SLC4A4: variants seen among roughly 807,000 people sequenced by gnomAD.
SLC4A4 encodes electrogenic sodium bicarbonate cotransporter 1.
In SLC4A4, 27 loss-of-function variants were observed where a neutral mutation model predicts 111.5. The observed-to-expected ratio is 0.24, with a 90% CI of 0.18 to 0.33. The LOEUF is 0.33. Among genes scored for constraint, SLC4A4 ranks in the 10% least tolerant of loss-of-function variants. The pLI is 1.00. For synonymous variants in SLC4A4, 443 were observed against 463.4 expected (o/e 0.96, Z 0.57); for missense variants, 909 against 1,315.5 (o/e 0.69, Z 4.78).
At chr4:71,176,002 C>T (rs2148984768) in intron 2 of SLC4A4, among the ~76,000 whole-genome samples, 1 of 152,274 alleles carries the variant, frequency 6.6e-6, no homozygotes. Flanking sequence ...GATCAGGCAG[C>T]AACATTTGCT....
chr4:71,387,295 T>G (rs1718837771), intron 6 of SLC4A4, among the ~76,000 whole-genome samples: 1 of 152,160 alleles, frequency 6.6e-6, no homozygotes, highest in South Asian at 2.1e-4. Flanking sequence ...CTCTTCTTCT[T>G]CCAGAAAGTT....
chr4:71,450,592 A>G lies in SLC4A4; in HGVS notation c.1208+49A>G, dbSNP rs774797683. 4.5e-6 allele frequency: 7 copies of G among 1,564,946 alleles called. No individual in the cohort carries two copies. The African/African-American group carries it at 9.5e-5, about 21-fold the overall frequency. ...TTTCAGTAGCTGAGATGACTCTGAGAAGGAGGTTGTGTTAAAAAAAAAAAG... is the reference window on the plus strand; with the variant it reads ...TTTCAGTAGCTGAGATGACTCTGAGGAGGAGGTTGTGTTAAAAAAAAAAAG... On this transcript the variant is annotated intron_variant, in intron 10 of 25. Coordinates refer to ENST00000264485, the MANE Select transcript of SLC4A4 (RefSeq NM_001098484.3).
intron 7 of SLC4A4, 83 bp downstream of exon 7, chr4:71,397,736 G>T: frequency 8.1e-7 from 1 of 1,241,000 alleles, no homozygotes; most frequent in Admixed American, 1.7e-5. Flanking sequence ...GGTGATGGTT[G>T]CTTCACTTAA....
chr4:71,213,946 C>G (rs1718278150), intron 1 of SLC4A4, among the ~76,000 whole-genome samples: 1 of 152,192 alleles, frequency 6.6e-6, no homozygotes, highest in Non-Finnish European at 1.5e-5. Flanking sequence ...GCCACCCAGT[C>G]TATGATGTTG....
chr4:71,539,967 C>A (rs1383242661), intron 18 of SLC4A4, among the ~76,000 whole-genome samples: 2 of 152,162 alleles, frequency 1.3e-5, no homozygotes, highest in Non-Finnish European at 2.9e-5. Context: ...TTGGTCAAAG[C>A]CCTGTTTAGA....
At chr4:71,235,104 AT>A (rs1719711758) in intron 1 of SLC4A4, among the ~76,000 whole-genome samples, 1 of 152,214 alleles carries the variant, frequency 6.6e-6, no homozygotes, top group Non-Finnish European at 1.5e-5. Flanking sequence ...TGTTGAGTCA[AT>A]GCAAGGTTGA....
chr4:71,103,263 T>G (rs1253598929), intron 2 of SLC4A4, among the ~76,000 whole-genome samples: 3 of 151,478 alleles, frequency 2.0e-5, no homozygotes, highest in Admixed American at 1.3e-4. Flanking sequence ...GCACCCAGAT[T>G]CATAAAGCAA....
At chr4:71,401,745 G>T (rs1720383957) in intron 7 of SLC4A4, among the ~76,000 whole-genome samples, 1 of 152,136 alleles carries the variant, frequency 6.6e-6, no homozygotes, top group African/African-American at 2.4e-5. Context: ...GCTTAGTGGT[G>T]CAATGGCTTT....
At chr4:71,300,569 G>A in intron 3 of SLC4A4, 1 of 278,828 alleles carries the variant, frequency 3.6e-6, no homozygotes, top group Non-Finnish European at 7.3e-6. Flanking sequence ...AAGGTGTAGA[G>A]GAAGACATTC....
chr4:71,203,672 A>T (rs1746356888), intron 1 of SLC4A4, among the ~76,000 whole-genome samples: 2 of 152,202 alleles, frequency 1.3e-5, no homozygotes, highest in South Asian at 4.1e-4. Flanking sequence ...GCAAACCAGA[A>T]CATATTGTAA....
At chr4:71,516,075 GATTTCTTTTT>G (rs1732351538) in intron 16 of SLC4A4, among the ~76,000 whole-genome samples, 2 of 124,912 alleles carry the variant, frequency 1.6e-5, no homozygotes, top group African/African-American at 2.9e-5. Flanking sequence ...TGGTTTGGGG[GATTTCTTTTT>G]TTTTTTTTTT....
intron 4 of SLC4A4, among the ~76,000 whole-genome samples, chr4:71,340,895 A>G (rs1232156664): frequency 5.9e-5 from 9 of 152,198 alleles, no homozygotes; most frequent in Non-Finnish European, 1.0e-4. Flanking sequence ...ATTGTTAAGC[A>G]TTACACAAAT....
Position 71,153,068 on chromosome 4 carries a change from T to G in SLC4A4, c.-2+60276T>G, listed in dbSNP as rs190013845. Among the ~76,000 whole-genome samples, 502 of 145,890 alleles carry G rather than the reference T, an allele frequency of 3.4e-3. 3 individuals are homozygous for G. The highest frequency in any genetic ancestry group is 0.012 in the African/African-American group (482 of 39,958). ...ATATATATATAAAAATAAAAGGAAG[T>G]TTATTAAGTATTAACTCACATGATC... On this transcript the variant is annotated intron_variant, in intron 2 of 26. Transcript: ENST00000649996.
At chr4:71,460,000 G>A (rs966198214) in intron 12 of SLC4A4, among the ~76,000 whole-genome samples, 40 of 151,298 alleles carry the variant, frequency 2.6e-4, no homozygotes, top group Non-Finnish European at 4.9e-4. Context: ...TTTCCTTTTG[G>A]GGCATTAGGG....
At chr4:71,536,457 C>CATATATATAT (rs1238920856) in intron 18 of SLC4A4, among the ~76,000 whole-genome samples, 688 of 31,168 alleles carry the variant, frequency 0.022, 41 homozygotes, top group Middle Eastern at 0.031. Context: ...TACATATATA[C>CATATATATAT]ATATATACAT....
chr4:71,386,722 T>C (rs923760781), intron 6 of SLC4A4, among the ~76,000 whole-genome samples: 3 of 152,198 alleles, frequency 2.0e-5, no homozygotes, highest in Admixed American at 6.5e-5. Flanking sequence ...TCTTCTTAAA[T>C]CTCTAAAAAC....
chr4:71,403,966 A>C (rs894413814), intron 7 of SLC4A4, among the ~76,000 whole-genome samples: 2 of 152,232 alleles, frequency 1.3e-5, no homozygotes, highest in Admixed American at 1.3e-4. Flanking sequence ...CATAGCCATT[A>C]AGACCTTATT....
At chr4:71,066,669 A>G (rs558016982) in intron 1 of SLC4A4, among the ~76,000 whole-genome samples, 2 of 152,308 alleles carry the variant, frequency 1.3e-5, no homozygotes, top group East Asian at 3.9e-4. Flanking sequence ...TGTTAATACT[A>G]TCAAGTTCTT....
At chr4:71,169,105 G>A (rs188674569) in intron 2 of SLC4A4, among the ~76,000 whole-genome samples, 22 of 151,774 alleles carry the variant, frequency 1.4e-4, no homozygotes, top group South Asian at 8.3e-4. Context: ...TGCAACCTCC[G>A]CCTCCCAGAT....
Sources: gnomAD v4.1 joint callset for allele counts (sites outside exome capture counted in the v4.1 genomes callset) on GRCh38, gnomAD v4.1.1 for gene constraint, MANE v1.5 for transcripts, NCBI Gene and HGNC (gene_info 2026-07-23, HGNC 2026-07-21) for gene names.